The following MAP2K6 variants were observed in gnomAD, a reference collection of about 807,000 sequenced individuals.
MAP2K6 encodes the protein mitogen-activated protein kinase kinase 6, also known as dual specificity mitogen-activated protein kinase kinase 6.
Under a neutral mutation model 53.7 loss-of-function variants are expected in MAP2K6, and 16 were observed. That is an observed-to-expected ratio of 0.30 (90% CI 0.20 to 0.45). The LOEUF is 0.45. Among genes scored for constraint, MAP2K6 ranks in the 20% least tolerant of loss-of-function variants. MAP2K6 has a pLI of 1.00. For synonymous variants in MAP2K6, 132 were observed against 143.1 expected (o/e 0.92, Z 0.55); for missense variants, 204 against 411.9 (o/e 0.50, Z 4.37).
intron 1 of MAP2K6, chr17:69,485,501 A>G: frequency 1.0e-6 from 1 of 973,708 alleles, no homozygotes; most frequent in Non-Finnish European, 1.2e-6. Context: ...ATTTCATTTG[A>G]AACTACGGGA....
intron 1 of MAP2K6, among the ~76,000 whole-genome samples, chr17:69,425,309 CT>C (rs1016357556): frequency 3.8e-4 from 56 of 145,656 alleles, no homozygotes; most frequent in African/African-American, 6.0e-4. Context: ...GCAATGAATT[CT>C]TTTTTTTTTT....
chr17:69,456,293 G>C (rs1482656621), intron 1 of MAP2K6, among the ~76,000 whole-genome samples: 1 of 152,146 alleles, frequency 6.6e-6, no homozygotes, highest in Non-Finnish European at 1.5e-5. Flanking sequence ...GGGCCTCTTT[G>C]GCGGAAAATA....
At chr17:69,516,101 G>A (rs1248779386) in intron 2 of MAP2K6, among the ~76,000 whole-genome samples, 2 of 151,960 alleles carry the variant, frequency 1.3e-5, no homozygotes, top group Non-Finnish European at 2.9e-5. Flanking sequence ...GATGATTCAA[G>A]CACATTACAT....
At chr17:69,449,704 CTG>C (rs1491185141) in intron 1 of MAP2K6, among the ~76,000 whole-genome samples, 2 of 147,076 alleles carry the variant, frequency 1.4e-5, no homozygotes, top group East Asian at 4.0e-4. Flanking sequence ...GCTCCGCCCC[CTG>C]GGGTTCACGC....
intron 1 of MAP2K6, among the ~76,000 whole-genome samples, chr17:69,443,956 G>A (rs960542928): frequency 6.6e-6 from 1 of 152,178 alleles, no homozygotes; most frequent in African/African-American, 2.4e-5. Context: ...GCTACAACTG[G>A]GATGTGTCTG....
intron 1 of MAP2K6, among the ~76,000 whole-genome samples, chr17:69,417,535 C>T (rs568254140): frequency 4.6e-5 from 7 of 152,284 alleles, no homozygotes; most frequent in African/African-American, 1.7e-4. Flanking sequence ...ATTTTGTTTT[C>T]CACAGTTGTA....
At chr17:69,512,988 T>A (rs1451184807) in intron 2 of MAP2K6, among the ~76,000 whole-genome samples, 5 of 152,176 alleles carry the variant, frequency 3.3e-5, no homozygotes, top group Admixed American at 2.6e-4. Flanking sequence ...CCTTTGGTCT[T>A]CCAGGGGAAG....
At chr17:69,449,561 A>C (rs201791506) in intron 1 of MAP2K6, among the ~76,000 whole-genome samples, 60,783 of 100,826 alleles carry the variant, frequency 0.6, 17,506 homozygotes, top group Non-Finnish European at 0.68. Context: ...TTCTTTCTTT[A>C]TTTCTTTCTT....
chr17:69,462,073 G>A (rs1015100918), intron 1 of MAP2K6, among the ~76,000 whole-genome samples: 4 of 152,182 alleles, frequency 2.6e-5, no homozygotes, highest in African/African-American at 9.7e-5. Flanking sequence ...ATTCGGGATG[G>A]TGGCATGCGA....
At position 69,526,695 on chromosome 17, in the gene MAP2K6, C is replaced by T; in HGVS notation, c.867C>T (p.Asp289=). 2 of 1,613,430 alleles carry T rather than the reference C, an allele frequency of 1.2e-6. No individual in the cohort carries two copies. The highest frequency in any genetic ancestry group is 1.7e-6 in the Non-Finnish European group (2 of 1,179,988). ...ACAAGTTCTCTGCAGAGTTTGTTGA[C>T]TTTACCTCACAGTGGTAAGACAGCC... ...PADKFSAEFV[D]FTSQCLKKNS... is the part of the protein sequence containing the mutation. The change falls in exon 10 of 12, where the codon GAC becomes GAT. Residue 289 remains aspartate (D), a synonymous_variant. Transcript: ENST00000590474.
intron 1 of MAP2K6, among the ~76,000 whole-genome samples, chr17:69,496,550 G>T (rs924229716): frequency 5.3e-5 from 8 of 152,110 alleles, no homozygotes; most frequent in African/African-American, 1.9e-4. Flanking sequence ...TGTATTTTTA[G>T]TAGAGATGGG....
chr17:69,432,649 A>G (rs959350941), intron 1 of MAP2K6, among the ~76,000 whole-genome samples: 2 of 146,120 alleles, frequency 1.4e-5, no homozygotes, highest in Admixed American at 7.0e-5. Context: ...ATCGGGGCCT[A>G]TCGGGAGGGG....
chr17:69,498,826 G>C (rs1246008028), intron 1 of MAP2K6, among the ~76,000 whole-genome samples: 1 of 152,176 alleles, frequency 6.6e-6, no homozygotes, highest in Admixed American at 6.5e-5. Flanking sequence ...CAGCGTGACT[G>C]AGAGGTGGTC....
chr17:69,523,369 GTCAGGGATGGCAGTTACTTC>G (rs1377285138), intron 7 of MAP2K6, 125 bp from the exon 8 acceptor site: 3 of 894,554 alleles, frequency 3.4e-6, no homozygotes. Flanking sequence ...TTAACTGTGG[GTCAGGGATGGCAGTTACTTC>G]TGTGTTGGGC....
chr17:69,466,737 GAGCAGC>G (rs1389527664), intron 1 of MAP2K6, among the ~76,000 whole-genome samples: 1 of 152,214 alleles, frequency 6.6e-6, no homozygotes, highest in East Asian at 1.9e-4. Context: ...GTATGACTTG[GAGCAGC>G]CTCGGTTTCC....
intron 1 of MAP2K6, among the ~76,000 whole-genome samples, chr17:69,489,150 A>C (rs1428212082): frequency 6.9e-6 from 1 of 145,170 alleles, no homozygotes; most frequent in Non-Finnish European, 1.5e-5. Flanking sequence ...AACCTGGGAG[A>C]TGGAGGTTGC....
intron 2 of MAP2K6, among the ~76,000 whole-genome samples, chr17:69,515,153 A>G (rs1031953951): frequency 1.3e-5 from 2 of 149,760 alleles, no homozygotes; most frequent in African/African-American, 4.9e-5. Flanking sequence ...TTGTTTCTCG[A>G]AATTTGCTTT....
chr17:69,472,995 A>G (rs1171060603), intron 1 of MAP2K6, among the ~76,000 whole-genome samples: 2 of 152,200 alleles, frequency 1.3e-5, no homozygotes, highest in African/African-American at 4.8e-5. Flanking sequence ...GCGTGAGCCA[A>G]TGCGCCTGGC....
At chr17:69,521,003 T>C in intron 6 of MAP2K6, 46 bp from the exon 7 acceptor site, 1 of 1,468,746 alleles carries the variant, frequency 6.8e-7, no homozygotes, top group Non-Finnish European at 9.4e-7. Context: ...ATTCAATTTC[T>C]TTCCAGCAAT....
Sources: allele counts gnomAD v4.1 joint callset (sites outside exome capture counted in the v4.1 genomes callset), GRCh38; gene constraint gnomAD v4.1.1; transcripts MANE v1.5; gene names NCBI Gene and HGNC (gene_info 2026-07-23, HGNC 2026-07-21).